The following ABCA8 variants were observed in gnomAD, a reference collection of about 807,000 sequenced individuals.
The protein encoded by ABCA8 is ATP binding cassette subfamily A member 8, also known as ABC-type organic anion transporter ABCA8.
Under a neutral mutation model 192.3 loss-of-function variants are expected in ABCA8, and 177 were observed. The ratio of observed to expected loss-of-function variants is 0.92; its 90% CI spans 0.81 to 1.04. ABCA8 has a LOEUF of 1.04. ABCA8 is among the 50% of genes least tolerant of loss of function. The pLI is 0.00. For synonymous variants in ABCA8, 642 were observed against 690.2 expected, an observed-to-expected ratio of 0.93 and a Z score of 1.09; for missense variants, 1,915 against 1,904.8, an observed-to-expected ratio of 1.01 and a Z score of -0.10.
At chr17:68,901,966 C>T (rs1462764748) in intron 21 of ABCA8, among the ~76,000 whole-genome samples, 2 of 152,132 alleles carry the variant, frequency 1.3e-5, no homozygotes, top group East Asian at 1.9e-4. Flanking sequence ...GAAATGAAAA[C>T]ATATGTTCAA....
chr17:68,942,827 A>G (rs1480904600), intron 2 of ABCA8, among the ~76,000 whole-genome samples: 2 of 152,142 alleles, frequency 1.3e-5, no homozygotes. Flanking sequence ...TCCTGTCACT[A>G]TTCAATAGTT....
At chr17:68,880,759 G>A (rs1163720985) in intron 32 of ABCA8, 4 of 304,912 alleles carry the variant, frequency 1.3e-5, no homozygotes, top group East Asian at 8.8e-5. Flanking sequence ...ACCCATCACC[G>A]CTATGCACCT....
At chr17:68,904,282 A>AC (rs2143499277) in intron 19 of ABCA8, among the ~76,000 whole-genome samples, 1 of 53,802 alleles carries the variant, frequency 1.9e-5, no homozygotes, top group African/African-American at 1.3e-4. Flanking sequence ...ACTCCATCTC[A>AC]AAAAAAAGAA....
intron 37 of ABCA8, among the ~76,000 whole-genome samples, chr17:68,872,595 TAAAAAATAA>T (rs1490883817): frequency 1.3e-5 from 2 of 149,712 alleles, no homozygotes; most frequent in Non-Finnish European, 1.5e-5. Flanking sequence ...AAATAAAAAA[TAAAAAATAA>T]AAAAAATAAA....
chr17:68,939,001 C>T (rs1226533334), intron 4 of ABCA8, among the ~76,000 whole-genome samples: 2 of 152,098 alleles, frequency 1.3e-5, no homozygotes, highest in Admixed American at 6.6e-5. Context: ...AAATCATGCC[C>T]ATATGAATGT....
At chr17:68,873,389 C>A (rs557152221) in intron 37 of ABCA8, among the ~76,000 whole-genome samples, 2 of 152,284 alleles carry the variant, frequency 1.3e-5, no homozygotes, top group African/African-American at 2.4e-5. Flanking sequence ...AATTGCTTAA[C>A]GACCCATTTC....
intron 2 of ABCA8, among the ~76,000 whole-genome samples, chr17:68,944,090 T>C (rs746909050): frequency 1.3e-5 from 2 of 150,800 alleles, no homozygotes; most frequent in African/African-American, 2.4e-5. Context: ...CGCTCATAAG[T>C]GGGAGTTGAA....
At chr17:68,871,319 C>A (rs998127723) in intron 37 of ABCA8, among the ~76,000 whole-genome samples, 1 of 152,102 alleles carries the variant, frequency 6.6e-6, no homozygotes, top group African/African-American at 2.4e-5. Flanking sequence ...CTCATGAGGG[C>A]AGAGCTTTCA....
At position 68,927,998 on chromosome 17, in the gene ABCA8, G is replaced by A. The variant is rs185678607; in HGVS notation, c.1191C>T (p.Leu397=). 2 of 1,608,596 alleles carry A rather than the reference G, an allele frequency of 1.2e-6. No individual in the cohort carries two copies. The highest frequency in any genetic ancestry group is 1.7e-5 in the Admixed American group (1 of 59,086). ...AFPHPSDGSN[L]IVATNFMLAF... ...CCAACATGAAATTTGTTGCTACAAT[G>A]AGATTTGAGCCGTCCGATGGATGAG... The change falls in exon 10 of 40, where the codon CTC becomes CTT. Residue 397 remains leucine (L), a synonymous_variant. Coordinates refer to ENST00000586539, the MANE Select transcript of ABCA8 (RefSeq NM_001288985.2).
chr17:68,894,386 T>C, intron 22 of ABCA8, 76 bp from the exon 23 acceptor site: 1 of 1,313,610 alleles, frequency 7.6e-7, no homozygotes, highest in Non-Finnish European at 1.0e-6. Flanking sequence ...ATTTGACATG[T>C]TAAATTAAGA....
chr17:68,875,096 A>AT (rs759945805), intron 37 of ABCA8, among the ~76,000 whole-genome samples, 164 bp downstream of exon 37: 52 of 152,334 alleles, frequency 3.4e-4, no homozygotes, highest in Non-Finnish European at 6.2e-4. Context: ...GACATTTGCT[A>AT]TATCAGCTCT....
At chr17:68,904,363 G>A (rs951394889) in intron 19 of ABCA8, among the ~76,000 whole-genome samples, 6 of 150,856 alleles carry the variant, frequency 4.0e-5, no homozygotes, top group East Asian at 1.9e-4. Flanking sequence ...TCTGCTTCTC[G>A]TTAGTTGCAA....
At chr17:68,908,676 T>C (rs1413590632) in intron 17 of ABCA8, among the ~76,000 whole-genome samples, 3 of 152,118 alleles carry the variant, frequency 2.0e-5, no homozygotes, top group Non-Finnish European at 4.4e-5. Flanking sequence ...CATTGAAAAA[T>C]ACCACAGCTA....
chr17:68,936,019 A>G (rs1017883201), intron 5 of ABCA8, among the ~76,000 whole-genome samples: 1 of 152,246 alleles, frequency 6.6e-6, no homozygotes. Context: ...AACAACTCAA[A>G]TAACTGCACT....
chr17:68,876,304 C>CTTTTTTTTTT, intron 35 of ABCA8, 156 bp downstream of exon 35: 2 of 712,378 alleles, frequency 2.8e-6, no homozygotes, highest in East Asian at 3.2e-5. Context: ...AGGGAAAGAT[C>CTTTTTTTTTT]TTTTTTTTTT....
At chr17:68,946,145 G>A (rs2068400657) in intron 2 of ABCA8, among the ~76,000 whole-genome samples, 2 of 151,910 alleles carry the variant, frequency 1.3e-5, no homozygotes, top group South Asian at 4.2e-4. Context: ...TTGGCTCACT[G>A]CAATCTCCGC....
At chr17:68,876,325 G>T (rs747137494) in intron 35 of ABCA8, 135 bp downstream of exon 35, 26 of 909,114 alleles carry the variant, frequency 2.9e-5, no homozygotes, top group Non-Finnish European at 3.5e-5. Flanking sequence ...GCAAAGTATT[G>T]GTTTTACAAG....
At chr17:68,904,875 G>A (rs911137440) in intron 19 of ABCA8, among the ~76,000 whole-genome samples, 3 of 152,110 alleles carry the variant, frequency 2.0e-5, no homozygotes, top group African/African-American at 7.2e-5. Context: ...AATGAGGAGT[G>A]GAGAGATGTA....
chr17:68,881,900 C>A lies in ABCA8; in HGVS notation c.3909G>T (p.Lys1303Asn). The change falls in exon 31 of 40, where the codon AAG becomes AAT. Residue 1303 changes from lysine to asparagine, a missense_variant. Transcript: ENST00000586539. ...AGAAGGAGACATTTCTCGTGGCTAT[C>A]TTATTCTTCCTCTTGGAAAAACAGC... is the stretch of plus-strand genomic sequence containing the variant. ...RKGCFSKRKN[K>N]IATRNVSFCV... 1 of 1,614,094 alleles carries A rather than the reference C, an allele frequency of 6.2e-7. No homozygotes were observed. Among genetic ancestry groups the A allele is most frequent in the Non-Finnish European group, 8.5e-7 (1 of 1,179,950 alleles).
Sources: allele counts gnomAD v4.1 joint callset (sites outside exome capture counted in the v4.1 genomes callset), GRCh38; gene constraint gnomAD v4.1.1; transcripts MANE v1.5; gene names NCBI Gene and HGNC (gene_info 2026-07-23, HGNC 2026-07-21).